The following CRLF3 variants were observed in gnomAD, a reference collection of about 807,000 sequenced individuals.
The protein encoded by CRLF3 is cytokine receptor like factor 3.
Under a neutral mutation model 55.0 loss-of-function variants are expected in CRLF3, and 33 were observed. The ratio of observed to expected loss-of-function variants is 0.60; its 90% CI spans 0.46 to 0.80. CRLF3 has a LOEUF of 0.80. Among genes scored for constraint, CRLF3 ranks in the 30% least tolerant of loss-of-function variants. The probability of loss-of-function intolerance (pLI) is 0.00; values close to 1 mark genes in which losing one functional copy is unlikely to be tolerated. For missense variants in CRLF3, 494 were observed against 538.4 expected (o/e 0.92, Z 0.82); for synonymous variants, 238 against 196.8 (o/e 1.21, Z -1.75).
chr17:30,820,692 T>C (rs1904963350), intron 1 of CRLF3, among the ~76,000 whole-genome samples: 1 of 151,832 alleles, frequency 6.6e-6, no homozygotes. Context: ...TTCGGGAGGC[T>C]GAGGCAGGAG....
In CRLF3 at chr17:30,784,044, A is replaced by G. The variant is rs998239908; in HGVS notation, c.*143T>C. On this transcript the variant is annotated 3_prime_UTR_variant, in exon 8 of 8. Coordinates refer to ENST00000324238, the MANE Select transcript of CRLF3 (RefSeq NM_015986.4). ...AACATTGAAGTCTCTTTTTGCTAAA[A>G]TATTACAAAATGAATCCAGTAAACA... The G allele has an allele frequency of 1.4e-6, 1 of 705,384 alleles. No homozygotes were observed. Among genetic ancestry groups the G allele is most frequent in the South Asian group, 2.1e-5 (1 of 46,710 alleles). 43.7% of individuals were successfully genotyped at this position (705,384 alleles called of 1,614,324 possible).
intron 1 of CRLF3, among the ~76,000 whole-genome samples, chr17:30,820,263 A>G (rs1416944993): frequency 6.6e-6 from 1 of 152,244 alleles, no homozygotes; most frequent in Non-Finnish European, 1.5e-5. Context: ...AGAAACTGCT[A>G]CATGTTGGCA....
At chr17:30,785,575 G>T (rs1362210019) in intron 7 of CRLF3, among the ~76,000 whole-genome samples, 3 of 151,802 alleles carry the variant, frequency 2.0e-5, no homozygotes, top group African/African-American at 7.3e-5. Context: ...TGGAAACCAG[G>T]AGTCAAGACT....
At chr17:30,786,161 TGA>T (rs1185223092) in intron 6 of CRLF3, 130 bp from the exon 7 acceptor site, 1 of 614,468 alleles carries the variant, frequency 1.6e-6, no homozygotes, top group South Asian at 2.0e-5. Context: ...CAACCATGAT[TGA>T]GTTCTTGCTA....
chr17:30,786,134 T>C, intron 6 of CRLF3, 103 bp from the exon 7 acceptor site: 1 of 699,350 alleles, frequency 1.4e-6, no homozygotes, highest in Non-Finnish European at 2.5e-6. Context: ...ACAATTGTTT[T>C]TTTCTAAATA....
chr17:30,815,822 G>A (rs1904782972), intron 1 of CRLF3, among the ~76,000 whole-genome samples: 2 of 151,500 alleles, frequency 1.3e-5, no homozygotes, highest in East Asian at 2.0e-4. Context: ...GGGATTACAG[G>A]TGTGAGCCAC....
chr17:30,793,744 T>C, intron 4 of CRLF3, 72 bp from the exon 5 acceptor site: 5 of 1,053,650 alleles, frequency 4.7e-6, no homozygotes, highest in Non-Finnish European at 7.1e-6. Context: ...TTAAAAATTT[T>C]GAACGGAGCC....
chr17:30,800,905 G>A, intron 2 of CRLF3: 1 of 152,416 alleles, frequency 6.6e-6, no homozygotes, highest in Non-Finnish European at 1.5e-5. Context: ...CTCCCGAGTA[G>A]CTGGGACTAC....
chr17:30,793,748 C>T (rs868857381), intron 4 of CRLF3, 76 bp from the exon 5 acceptor site: 15 of 1,044,032 alleles, frequency 1.4e-5, no homozygotes, highest in Middle Eastern at 5.5e-4. Context: ...AAATTTTGAA[C>T]GGAGCCATTT....
At chr17:30,805,736 G>A (rs968335599) in intron 1 of CRLF3, among the ~76,000 whole-genome samples, 6 of 145,658 alleles carry the variant, frequency 4.1e-5, no homozygotes, top group Middle Eastern at 3.6e-3. Context: ...AAAAAAGCAA[G>A]CCATGGTCAG....
chr17:30,786,226 A>G (rs1179710432), intron 6 of CRLF3, 195 bp from the exon 7 acceptor site: 1 of 450,236 alleles, frequency 2.2e-6, no homozygotes, highest in Non-Finnish European at 3.9e-6. Flanking sequence ...TCTTACAACA[A>G]TCTATGAGGT....
At chr17:30,798,906 T>C (rs1022081578) in intron 2 of CRLF3, among the ~76,000 whole-genome samples, 1 of 152,112 alleles carries the variant, frequency 6.6e-6, no homozygotes, top group Admixed American at 6.6e-5. Flanking sequence ...CTCAGGAGAA[T>C]AGGAAAGAGT....
rs111760885 is a variant in CRLF3, at chr17:30,784,258, C to G, written c.1258G>C (p.Asp420His). 5 of 1,613,498 alleles carry G rather than the reference C, an allele frequency of 3.1e-6. No individual in the cohort carries two copies. Among genetic ancestry groups the G allele is most frequent in the Non-Finnish European group, 4.2e-6 (5 of 1,179,424 alleles). The change falls in exon 8 of 8, where the codon GAT (aspartate) becomes CAT (histidine). Residue 420 changes from aspartate (D) to histidine (H), a missense_variant. By Grantham distance (81) the Asp-to-His change is moderately conservative. Coordinates refer to ENST00000324238, the MANE Select transcript of CRLF3 (RefSeq NM_015986.4). ...AAGTAAAGAGAACCACAAGACTGAT[C>G]AAGTAACCAGTCAAAAACCACTTCT... is the stretch of plus-strand genomic sequence containing the variant. Reference protein sequence around the residue: ...NREVVFDWLLDQSCGSLYFGC... With the variant: ...NREVVFDWLLHQSCGSLYFGC...
intron 3 of CRLF3, among the ~76,000 whole-genome samples, chr17:30,796,612 T>C (rs1165556689): frequency 9.9e-5 from 15 of 152,160 alleles, no homozygotes; most frequent in Non-Finnish European, 2.1e-4. Context: ...TGATAATTTC[T>C]AAAATTTAAC....
Position 30,792,584 on chromosome 17 carries a change from C to CAAAG in CRLF3, c.827-16_827-13dup, listed in dbSNP as rs752637699. On this transcript the variant is annotated splice_polypyrimidine_tract_variant and intron_variant, in intron 5 of 7. Transcript: ENST00000324238. ...ACCAGCTGTCCACTCTTTTTCAAAGCAAAGATATTGAAAACTGTTAGAATC... is the reference window on the plus strand; with the variant it reads ...ACCAGCTGTCCACTCTTTTTCAAAGCAAAGAAAGATATTGAAAACTGTTAGAATC... 1.9e-6 allele frequency: 3 copies of CAAAG among 1,587,546 alleles called. No homozygotes were observed. In the African/African-American group the frequency reaches 4.0e-5, roughly 21 times the overall value.
chr17:30,790,639 C>G (rs868156001), intron 6 of CRLF3: 1 of 102,740 alleles, frequency 9.7e-6, no homozygotes, highest in Non-Finnish European at 1.8e-5. Flanking sequence ...TTTTTCCAGA[C>G]GGAATCTTGC....
At chr17:30,807,007 G>C (rs1190112460) in intron 1 of CRLF3, among the ~76,000 whole-genome samples, 1 of 152,028 alleles carries the variant, frequency 6.6e-6, no homozygotes. Context: ...CAGCACTTTG[G>C]GAGGCCAAGG....
chr17:30,820,914 G>T (rs1904975721), intron 1 of CRLF3, among the ~76,000 whole-genome samples: 3 of 151,992 alleles, frequency 2.0e-5, no homozygotes, highest in Admixed American at 2.0e-4. Flanking sequence ...AATTAGGCAG[G>T]TGTGGTGGTG....
chr17:30,809,181 A>C (rs1202119706), intron 1 of CRLF3, among the ~76,000 whole-genome samples: 1 of 152,202 alleles, frequency 6.6e-6, no homozygotes, highest in Non-Finnish European at 1.5e-5. Flanking sequence ...CTCAGAAAAA[A>C]GGAAGTAAGT....
Sources: gnomAD v4.1 joint callset for allele counts (sites outside exome capture counted in the v4.1 genomes callset) on GRCh38, gnomAD v4.1.1 for gene constraint, MANE v1.5 for transcripts, NCBI Gene and HGNC (gene_info 2026-07-23, HGNC 2026-07-21) for gene names.